Variants in DISC1 observed in about 807,000 individuals in gnomAD.
DISC1 encodes disrupted in schizophrenia 1 protein.
A neutral mutation model predicts 84.5 loss-of-function variants in DISC1; 57 were observed. The ratio of observed to expected loss-of-function variants is 0.67; its 90% CI spans 0.55 to 0.84. DISC1 has a LOEUF of 0.84. Ranked by LOEUF, DISC1 falls within the 40% of genes least tolerant of loss-of-function variation. The pLI is 0.00. For synonymous variants in DISC1, 411 were observed against 415.2 expected (o/e 0.99, Z 0.12); for missense variants, 1,000 against 1,057.8 (o/e 0.95, Z 0.76).
chr1:231,772,775 C>T (rs919039774), intron 6 of DISC1, among the ~76,000 whole-genome samples: 11 of 152,180 alleles, frequency 7.2e-5, no homozygotes, highest in African/African-American at 2.4e-4. Context: ...ACATGTATCA[C>T]ATCCTATCCA....
chr1:231,716,975 C>A (rs1016675260), intron 3 of DISC1, among the ~76,000 whole-genome samples: 1 of 152,164 alleles, frequency 6.6e-6, no homozygotes, highest in Non-Finnish European at 1.5e-5. Flanking sequence ...CCACTACCAA[C>A]ACGTTCTGGA....
intron 9 of DISC1, among the ~76,000 whole-genome samples, chr1:231,928,611 TTTGCTC>T (rs1270503782): frequency 6.6e-6 from 1 of 152,234 alleles, no homozygotes; most frequent in African/African-American, 2.4e-5. Context: ...TTTGAATTTA[TTTGCTC>T]TTGCTTCTCT....
chr1:231,941,939 G>A (rs573214022), intron 9 of DISC1, among the ~76,000 whole-genome samples: 1 of 151,148 alleles, frequency 6.6e-6, no homozygotes, highest in East Asian at 2.1e-4. Context: ...TTTAAGACAA[G>A]GCTTAAAGGA....
At chr1:231,867,101 T>C (rs926353401) in intron 9 of DISC1, among the ~76,000 whole-genome samples, 12 of 152,204 alleles carry the variant, frequency 7.9e-5, no homozygotes, top group Admixed American at 2.0e-4. Context: ...AGTGTTACGT[T>C]ATGGGGTGCG....
intron 9 of DISC1, among the ~76,000 whole-genome samples, chr1:231,856,252 GC>G (rs754785290): frequency 4.8e-4 from 73 of 152,166 alleles, no homozygotes; most frequent in Non-Finnish European, 7.9e-4. Flanking sequence ...AAAATGCAGG[GC>G]AGAAACTGTG....
chr1:231,874,515 A>G (rs1295672307), intron 9 of DISC1, among the ~76,000 whole-genome samples: 1 of 151,690 alleles, frequency 6.6e-6, no homozygotes, highest in Non-Finnish European at 1.5e-5. Flanking sequence ...TTCCTAACTC[A>G]CTCTCATTGA....
chr1:231,972,759 T>A (rs1662184891), intron 10 of DISC1, among the ~76,000 whole-genome samples: 1 of 152,314 alleles, frequency 6.6e-6, no homozygotes, highest in Non-Finnish European at 1.5e-5. Flanking sequence ...GCAGTTGATG[T>A]CTTAGCCTGT....
intron 10 of DISC1, among the ~76,000 whole-genome samples, chr1:231,984,393 G>T (rs1462372869): frequency 6.6e-6 from 1 of 152,070 alleles, no homozygotes; most frequent in Non-Finnish European, 1.5e-5. Flanking sequence ...TCTTCAGCTT[G>T]ACAAAAACAG....
chr1:231,808,817 A>G (rs910224353), intron 8 of DISC1, among the ~76,000 whole-genome samples: 1 of 152,164 alleles, frequency 6.6e-6, no homozygotes, highest in Non-Finnish European at 1.5e-5. Flanking sequence ...CCCAGGTAAA[A>G]CCTGGCCTGG....
intron 8 of DISC1, among the ~76,000 whole-genome samples, chr1:231,806,505 T>C (rs995559119): frequency 6.6e-6 from 1 of 152,168 alleles, no homozygotes; most frequent in African/African-American, 2.4e-5. Context: ...ACCTGGGCCC[T>C]GGAGGTCTGA....
chr1:231,935,967 T>C (rs1356739078), intron 9 of DISC1, among the ~76,000 whole-genome samples: 1 of 152,194 alleles, frequency 6.6e-6, no homozygotes, highest in Non-Finnish European at 1.5e-5. Context: ...AAGTGGTTCC[T>C]GTATTCTTCC....
At chr1:231,950,210 G>C (rs951951344) in intron 9 of DISC1, among the ~76,000 whole-genome samples, 3 of 129,410 alleles carry the variant, frequency 2.3e-5, no homozygotes, top group African/African-American at 8.3e-5. Context: ...AATTCTGTGT[G>C]TGTGTGTGTG....
intron 3 of DISC1, among the ~76,000 whole-genome samples, chr1:231,733,275 G>A (rs1161578250): frequency 6.6e-6 from 1 of 151,478 alleles, no homozygotes; most frequent in East Asian, 1.9e-4. Context: ...GGTAATGGTA[G>A]GAGTGTTGGT....
intron 6 of DISC1, among the ~76,000 whole-genome samples, chr1:231,776,885 C>T (rs915044000): frequency 5.9e-5 from 9 of 152,108 alleles, no homozygotes; most frequent in Admixed American, 2.6e-4. Context: ...AAGAGGGTTG[C>T]GTGGAAGCAG....
chr1:231,678,274 G>T (rs898100837), intron 1 of DISC1, among the ~76,000 whole-genome samples: 1 of 152,226 alleles, frequency 6.6e-6, no homozygotes, highest in Non-Finnish European at 1.5e-5. Flanking sequence ...GGTCAAAGAG[G>T]ACGAATGTGT....
At position 231,730,789 on chromosome 1, in the gene DISC1, T is replaced by C. The variant is rs148900234; in HGVS notation, c.1118-19137T>C. Among the ~76,000 whole-genome samples, 55 of 152,328 alleles carry C rather than the reference T, an allele frequency of 3.6e-4. 1 individual carries two copies. In the East Asian group the frequency reaches 8.9e-3, roughly 25 times the overall value. ...AGTTTTCAGTGCACAGAATTGGTCA[T>C]TTATCAGCTGTGCACCTAGATTGCT... On this transcript the variant is annotated intron_variant, in intron 3 of 12. Coordinates refer to ENST00000439617, the MANE Select transcript of DISC1 (RefSeq NM_018662.3).
intron 9 of DISC1, among the ~76,000 whole-genome samples, chr1:231,905,000 A>G (rs2088521619): frequency 6.6e-6 from 1 of 152,242 alleles, no homozygotes; most frequent in Non-Finnish European, 1.5e-5. Flanking sequence ...AGGTTTGATG[A>G]GGAATGGAAT....
chr1:231,988,165 G>A (rs1664719834), intron 10 of DISC1, among the ~76,000 whole-genome samples: 1 of 152,230 alleles, frequency 6.6e-6, no homozygotes, highest in Admixed American at 6.5e-5. Flanking sequence ...CAGCCTGGGC[G>A]ACAGAGTGAG....
At chr1:232,030,435 CAG>C (rs1669891820) in intron 12 of DISC1, among the ~76,000 whole-genome samples, 2 of 152,188 alleles carry the variant, frequency 1.3e-5, no homozygotes, top group African/African-American at 4.8e-5. Flanking sequence ...TCAAAGCCCT[CAG>C]GGCAGTTCTG....
Sources: gnomAD v4.1 joint callset for allele counts (sites outside exome capture counted in the v4.1 genomes callset) on GRCh38, gnomAD v4.1.1 for gene constraint, MANE v1.5 for transcripts, NCBI Gene and HGNC (gene_info 2026-07-23, HGNC 2026-07-21) for gene names.